Variants in NLRX1 observed in about 807,000 individuals in gnomAD.
NLRX1 encodes the protein NLR family member X1.
A neutral mutation model predicts 74.2 loss-of-function variants in NLRX1; 67 were observed. The observed-to-expected ratio is 0.90, with a 90% CI of 0.74 to 1.11. The LOEUF is 1.11. Among genes scored for constraint, NLRX1 ranks in the 50% least tolerant of loss-of-function variants. The pLI is 0.00. For synonymous variants in NLRX1, 506 were observed against 559.1 expected (o/e 0.91, Z 1.34); for missense variants, 1,191 against 1,305.4 (o/e 0.91, Z 1.35).
intron 1 of NLRX1, among the ~76,000 whole-genome samples, chr11:119,170,299 A>G (rs1387957574): frequency 6.6e-6 from 1 of 152,178 alleles, no homozygotes; most frequent in African/African-American, 2.4e-5. Context: ...ATCGGGTCCA[A>G]TAAATGCTGG....
Position 119,174,520 on chromosome 11 carries a change from A to G in NLRX1, c.917A>G (p.Tyr306Cys). Residue 306 changes from tyrosine to cysteine, a missense_variant, in exon 6 of 10, where the codon TAT becomes TGT. Physicochemically the swap from Tyr to Cys is radical, Grantham distance 194. Coordinates refer to ENST00000409109, the MANE Select transcript of NLRX1 (RefSeq NM_001282144.2). ...ATCCCCAGCAAGTACGTGGGCCGCT[A>G]TGGTGAGATCTGCGGTTTCTCTGAT... ...GRIPSKYVGR[Y>C]GEICGFSDTN... The G allele has an allele frequency of 6.2e-7, 1 of 1,614,192 alleles. No homozygotes were observed. The highest frequency in any genetic ancestry group is 1.1e-5 in the South Asian group (1 of 91,088).
intron 6 of NLRX1, among the ~76,000 whole-genome samples, chr11:119,178,227 C>G (rs1948745563): frequency 1.3e-5 from 2 of 152,266 alleles, no homozygotes; most frequent in South Asian, 4.2e-4. Context: ...AAAGGACGTG[C>G]CACAAAACAA....
At chr11:119,181,962 C>T in intron 8 of NLRX1, 132 bp from the exon 9 acceptor site, 1 of 1,061,246 alleles carries the variant, frequency 9.4e-7, no homozygotes, top group Non-Finnish European at 1.4e-6. Context: ...TTGCCCCATG[C>T]AGGGCCCTCT....
intron 1 of NLRX1, among the ~76,000 whole-genome samples, chr11:119,171,142 G>GA (rs954198066): frequency 2.6e-5 from 4 of 151,616 alleles, no homozygotes; most frequent in Admixed American, 2.6e-4. Context: ...AAAGAAAAAA[G>GA]AAAAAAAAGG....
intron 3 of NLRX1, 117 bp from the exon 4 acceptor site, chr11:119,172,784 G>A: frequency 3.9e-6 from 3 of 771,372 alleles, no homozygotes; most frequent in Non-Finnish European, 6.8e-6. Context: ...GGTCCAGTGT[G>A]GGGCCTTTAT....
chr11:119,179,578 G>A (rs758254501), intron 6 of NLRX1, 115 bp from the exon 7 acceptor site: 16 of 875,590 alleles, frequency 1.8e-5, no homozygotes, highest in Non-Finnish European at 2.7e-5. Flanking sequence ...ATTATGCTAA[G>A]TTCAAGGGGA....
chr11:119,172,476 A>G lies in NLRX1; in HGVS notation c.140+51A>G, dbSNP rs924311356. Reference sequence around the variant, plus strand: ...GACTAGTCTGGGCACAACAGAGCAGACTGGGAAGGGTCAGGACTTGGGGCT... The same window carrying G: ...GACTAGTCTGGGCACAACAGAGCAGGCTGGGAAGGGTCAGGACTTGGGGCT... On this transcript the variant is annotated intron_variant, in intron 3 of 9. Transcript: ENST00000409109. The G allele has an allele frequency of 2.9e-6, 4 of 1,377,792 alleles. No homozygotes were observed. The Middle Eastern group carries it at 5.3e-4, about 183-fold the overall frequency. The allele number at this position is 1,377,792 out of a possible 1,614,324, so 85.3% of individuals were successfully genotyped here.
chr11:119,181,722 G>C (rs1361458112), intron 8 of NLRX1, among the ~76,000 whole-genome samples: 1 of 152,112 alleles, frequency 6.6e-6, no homozygotes, highest in Admixed American at 6.6e-5. Context: ...GAAGAGCAGG[G>C]AGAAGGATAG....
In NLRX1 at chr11:119,174,827, G is replaced by A. The variant is rs1948657896; in HGVS notation, c.1224G>A (p.Gly408=). The change falls in exon 6 of 10, where the codon GGG becomes GGA. Residue 408 remains glycine (G), a synonymous_variant. Transcript: ENST00000409109. ...YTSFLRLNFS[G]ETLDSTDPSN... ...GCTTCCTGCGCCTCAACTTCAGCGGGGAAACCCTGGACAGCACTGACCCCT... is the reference window on the plus strand; with the variant it reads ...GCTTCCTGCGCCTCAACTTCAGCGGAGAAACCCTGGACAGCACTGACCCCT... 3.1e-6 allele frequency: 5 copies of A among 1,614,032 alleles called. No individual in the cohort carries two copies. Among genetic ancestry groups the A allele is most frequent in the Non-Finnish European group, 3.4e-6 (4 of 1,180,048 alleles).
In NLRX1 at chr11:119,183,862, C is replaced by T. The variant is rs1192781034; in HGVS notation, c.*423C>T. 3 of 780,794 alleles carry T rather than the reference C, an allele frequency of 3.8e-6. No homozygotes were observed. Among genetic ancestry groups the T allele is most frequent in the African/African-American group, 3.4e-5 (2 of 59,148 alleles). The allele number at this position is 780,794 out of a possible 1,614,324, so 48.4% of individuals were successfully genotyped here. A position where few individuals can be genotyped will look rare whatever the true frequency, so the allele number is the denominator to read the frequency against. ...ATGTGTTGGAAGCTTCCCCTCCTGC[C>T]TTATGCTCACCTGTGGACACCGAGG... On this transcript the variant is annotated 3_prime_UTR_variant, in exon 10 of 10. Transcript: ENST00000409109. The surrounding 1 kb of genome is among the most constrained non-coding windows in gnomAD (Gnocchi z 5.7).
chr11:119,174,919 C>T lies in NLRX1; in HGVS notation c.1316C>T (p.Ser439Phe). 2 of 1,614,058 alleles carry T rather than the reference C, an allele frequency of 1.2e-6. No individual in the cohort carries two copies. The highest frequency in any genetic ancestry group is 1.7e-6 in the Non-Finnish European group (2 of 1,180,032). ...AAGTTGGCCTATGAGGGGGTGTCCT[C>T]CCGCAAGACCTACTTCTCTGAAGAG... The part of the protein sequence containing the change: ...MGKLAYEGVS[S>F]RKTYFSEEDV... The change falls in exon 6 of 10, where the codon TCC becomes TTC. Residue 439 changes from serine to phenylalanine, a missense_variant. Transcript: ENST00000409109.
intron 6 of NLRX1, 69 bp from the exon 7 acceptor site, chr11:119,179,624 T>A: frequency 8.3e-7 from 1 of 1,205,582 alleles, no homozygotes; most frequent in Non-Finnish European, 1.1e-6. Flanking sequence ...GAGTGTACCT[T>A]AAGCTGAACC....
Position 119,183,747 on chromosome 11 carries a change from C to T in NLRX1, c.*308C>T, listed in dbSNP as rs1263070530. 2 of 778,810 alleles carry T rather than the reference C, an allele frequency of 2.6e-6. No individual in the cohort carries two copies. The highest frequency in any genetic ancestry group is 2.4e-5 in the East Asian group (1 of 41,242). 48.2% of individuals were successfully genotyped at this position (778,810 alleles called of 1,614,324 possible). A position where few individuals can be genotyped will look rare whatever the true frequency, so the allele number is the denominator to read the frequency against. ...AGTGCCCTGAAGCACCACTACCAAC[C>T]TTGCCTCCCCCTCCTCTCAAAGAGC... is the stretch of plus-strand genomic sequence containing the variant. On this transcript the variant is annotated 3_prime_UTR_variant, in exon 10 of 10. Transcript: ENST00000409109. This position sits in a 1 kb window ranked among gnomAD's most constrained non-coding sequence, Gnocchi z 5.7.
In NLRX1 at chr11:119,173,917, T is replaced by C. The variant is rs201122238; in HGVS notation, c.668T>C (p.Leu223Pro). Residue 223 changes from leucine to proline, a missense_variant, in exon 5 of 10, where the codon CTG becomes CCG. Physicochemically the swap from Leu to Pro is moderately conservative, Grantham distance 98. Coordinates refer to ENST00000409109, the MANE Select transcript of NLRX1 (RefSeq NM_001282144.2). This position sits in a 1 kb window ranked among gnomAD's most constrained non-coding sequence, Gnocchi z 4.0. ...CQLVAQRYTPLKEVLPLMAAA... is the reference protein window; with the variant it reads ...CQLVAQRYTPPKEVLPLMAAA... The stretch of plus-strand genomic sequence containing the variant: ...CTTGTGGCCCAGCGCTACACGCCCC[T>C]GAAGGAGGTTCTGCCCCTGATGGCT... 3.7e-5 allele frequency: 60 copies of C among 1,613,604 alleles called. 1 individual carries two copies. Among genetic ancestry groups the C allele is most frequent in the Non-Finnish European group, 1.0e-5 (12 of 1,180,028 alleles).
intron 9 of NLRX1, among the ~76,000 whole-genome samples, chr11:119,182,575 G>C (rs1366190048): frequency 6.6e-6 from 1 of 152,086 alleles, no homozygotes; most frequent in Non-Finnish European, 1.5e-5. Flanking sequence ...AAGCCCTACT[G>C]TCTCTGGTCC....
intron 6 of NLRX1, 30 bp from the exon 7 acceptor site, chr11:119,179,663 C>CGAACAGGCACATGGA: frequency 6.4e-7 from 1 of 1,561,534 alleles, no homozygotes; most frequent in Admixed American, 1.8e-5. Flanking sequence ...CATGGAAGGC[C>CGAACAGGCACATGGA]ACAGTGACTC....
At chr11:119,177,381 C>G (rs1210697709) in intron 6 of NLRX1, among the ~76,000 whole-genome samples, 1 of 151,688 alleles carries the variant, frequency 6.6e-6, no homozygotes, top group African/African-American at 2.4e-5. Context: ...CACGCCCGGC[C>G]TATGCTGTTT....
intron 7 of NLRX1, among the ~76,000 whole-genome samples, 155 bp from the exon 8 acceptor site, chr11:119,181,016 G>C: frequency 6.6e-6 from 1 of 152,106 alleles, no homozygotes; most frequent in East Asian, 1.9e-4. Context: ...GCTCCAACCT[G>C]GGCAACAGAG....
In NLRX1 at chr11:119,180,061, C is replaced by G; in HGVS notation, c.2040C>G (p.Phe680Leu). The part of the protein sequence containing the change: ...LPPSELLDHL[F>L]FHYEFQNQRF... ...CATCAGAGCTCCTTGACCACCTCTT[C>G]TTCCACTATGAGTTCCAGAACCAGC... Residue 680 changes from phenylalanine (F) to leucine (L), a missense_variant, in exon 7 of 10, where the codon TTC becomes TTG. By Grantham distance (22) the Phe-to-Leu change is conservative. Transcript: ENST00000409109. The G allele has an allele frequency of 6.2e-7, 1 of 1,613,710 alleles. No individual in the cohort carries two copies. The highest frequency in any genetic ancestry group is 8.5e-7 in the Non-Finnish European group (1 of 1,180,028).
Sources: gnomAD v4.1 joint callset for allele counts (sites outside exome capture counted in the v4.1 genomes callset) on GRCh38, gnomAD v4.1.1 for gene constraint, Gnocchi (gnomAD v3.1) non-coding constraint, MANE v1.5 for transcripts, NCBI Gene and HGNC (gene_info 2026-07-23, HGNC 2026-07-21) for gene names.